Variants in HIPK3 observed in about 807,000 individuals in gnomAD.
HIPK3 encodes homeodomain interacting protein kinase 3.
A neutral mutation model predicts 124.2 loss-of-function variants in HIPK3; 47 were observed. The observed-to-expected ratio is 0.38, with a 90% CI of 0.30 to 0.48. HIPK3 has a LOEUF of 0.48. Ranked by LOEUF, HIPK3 falls within the 20% of genes least tolerant of loss-of-function variation. The pLI is 0.98. For synonymous variants in HIPK3, 482 were observed against 515.2 expected (o/e 0.94, Z 0.87); for missense variants, 1,286 against 1,454.3 (o/e 0.88, Z 1.88).
chr11:33,282,697 C>G (rs766547552), intron 1 of HIPK3, among the ~76,000 whole-genome samples: 5 of 151,638 alleles, frequency 3.3e-5, no homozygotes, highest in Admixed American at 6.6e-5. Flanking sequence ...AAAAAATTAT[C>G]TGTGAATTTA....
chr11:33,314,805 T>C (rs752527203), intron 2 of HIPK3, among the ~76,000 whole-genome samples: 1 of 152,242 alleles, frequency 6.6e-6, no homozygotes, highest in African/African-American at 2.4e-5. Context: ...AGCCTAAATA[T>C]ACCTAATAGA....
At chr11:33,310,064 T>C (rs1852275891) in intron 2 of HIPK3, among the ~76,000 whole-genome samples, 1 of 152,236 alleles carries the variant, frequency 6.6e-6, no homozygotes, top group Admixed American at 6.5e-5. Flanking sequence ...GTGGTGATGC[T>C]TCTACCAATA....
intron 2 of HIPK3, among the ~76,000 whole-genome samples, chr11:33,316,029 G>C (rs112988507): frequency 1.6e-4 from 24 of 152,280 alleles, no homozygotes; most frequent in African/African-American, 5.8e-4. Flanking sequence ...ATTTCAACAT[G>C]TAATCACAAC....
At chr11:33,347,179 C>CAA (rs368444636) in intron 8 of HIPK3, 114 bp from the exon 9 acceptor site, 627 of 868,946 alleles carry the variant, frequency 7.2e-4, no homozygotes, top group Non-Finnish European at 8.7e-4. Flanking sequence ...GGCCCTGTCT[C>CAA]AAAAAAAAAA....
chr11:33,270,468 C>G (rs991988950), intron 1 of HIPK3, among the ~76,000 whole-genome samples: 13 of 151,864 alleles, frequency 8.6e-5, no homozygotes, highest in African/African-American at 3.1e-4. Context: ...GCCACCACGC[C>G]CGGCTAAGAA....
Position 33,329,127 on chromosome 11 carries a change from C to T in HIPK3, c.1221+494C>T, listed in dbSNP as rs117710962. ...TCTTTTAGCACTGTTTAATGATTCT[C>T]GGTAGAATTCAGCAAATTACCTTAT... On this transcript the variant is annotated intron_variant, in intron 3 of 16. Transcript: ENST00000303296. Among the ~76,000 whole-genome samples the T allele has an allele frequency of 1.0e-3, 158 of 152,180 alleles. 1 individual carries two copies. In the East Asian group the frequency reaches 0.028, roughly 27 times the overall value.
At chr11:33,346,072 A>G (rs1007518829) in intron 8 of HIPK3, among the ~76,000 whole-genome samples, 3 of 152,166 alleles carry the variant, frequency 2.0e-5, no homozygotes, top group African/African-American at 7.2e-5. Flanking sequence ...GAAGTGCTGA[A>G]ATGATTTTCA....
rs553737731 is a variant in HIPK3, at chr11:33,306,194, A to G, written c.1097+18683A>G. 4.5e-4 allele frequency among the ~76,000 whole-genome samples: 69 copies of G among 152,320 alleles called. 1 individual carries two copies. The South Asian group carries it at 5.4e-3, about 12-fold the overall frequency. ...ACTCTTTTACTTAATTTTTACGTGT[A>G]TGTTATAGGAATGTATTTGATTTTG... On this transcript the variant is annotated intron_variant, in intron 2 of 16. Transcript: ENST00000303296.
rs758319403 is a variant in HIPK3, at chr11:33,351,723, G to A, written c.2923G>A (p.Glu975Lys). 1.2e-6 allele frequency: 2 copies of A among 1,614,062 alleles called. No homozygotes were observed. The highest frequency in any genetic ancestry group is 2.7e-5 in the African/African-American group (2 of 74,930). Reference protein sequence around the residue: ...AESTFVEDTHENTELVSSADT... With the variant: ...AESTFVEDTHKNTELVSSADT... ...GAGCACTTTTGTGGAGGACACTCAT[G>A]AAAACACAGAATTGGTATCCTCTGC... The change falls in exon 15 of 17, where the codon GAA (glutamate) becomes AAA (lysine). Residue 975 changes from glutamate to lysine, a missense_variant. Glu to Lys is a moderately conservative substitution (Grantham distance 56, BLOSUM62 1). Coordinates refer to ENST00000303296, the MANE Select transcript of HIPK3 (RefSeq NM_005734.5).
intron 1 of HIPK3, among the ~76,000 whole-genome samples, chr11:33,271,430 G>T (rs1259788365): frequency 6.6e-6 from 1 of 152,162 alleles, no homozygotes; most frequent in Non-Finnish European, 1.5e-5. Flanking sequence ...ACCGGGTGTG[G>T]TGGCATGAGC....
intron 8 of HIPK3, among the ~76,000 whole-genome samples, chr11:33,341,936 CTAAAAAT>C (rs1449251469): frequency 6.6e-6 from 1 of 151,606 alleles, no homozygotes; most frequent in Non-Finnish European, 1.5e-5. Flanking sequence ...CTCAGCTTTC[CTAAAAAT>C]ACAAAAAATT....
chr11:33,283,401 C>T (rs766986772), intron 1 of HIPK3, among the ~76,000 whole-genome samples: 5 of 152,046 alleles, frequency 3.3e-5, no homozygotes, highest in African/African-American at 4.8e-5. Context: ...TGACCCACCG[C>T]GCCCAGCGGA....
At chr11:33,323,485 C>T (rs1304319320) in intron 2 of HIPK3, among the ~76,000 whole-genome samples, 1 of 152,122 alleles carries the variant, frequency 6.6e-6, no homozygotes, top group African/African-American at 2.4e-5. Context: ...TCAAGTGATC[C>T]TCCCGGCTTA....
intron 2 of HIPK3, among the ~76,000 whole-genome samples, chr11:33,313,610 G>A (rs1489952338): frequency 6.6e-6 from 1 of 151,982 alleles, no homozygotes; most frequent in Non-Finnish European, 1.5e-5. Context: ...GCTATTTTTT[G>A]CAACTTTTCT....
At chr11:33,314,506 T>A (rs266459) in intron 2 of HIPK3, among the ~76,000 whole-genome samples, 2,040 of 151,928 alleles carry the variant, frequency 0.013, 50 homozygotes, top group African/African-American at 0.046. Context: ...TACAAAAAAA[T>A]TTAGCCAGCC....
intron 3 of HIPK3, among the ~76,000 whole-genome samples, chr11:33,330,486 G>GTAT (rs1486708889): frequency 6.6e-6 from 1 of 152,094 alleles, no homozygotes; most frequent in African/African-American, 2.4e-5. Flanking sequence ...ACACCACCAT[G>GTAT]CCCGGCCAAT....
At chr11:33,328,864 G>T (rs746560129) in intron 3 of HIPK3, among the ~76,000 whole-genome samples, 30 of 152,128 alleles carry the variant, frequency 2.0e-4, no homozygotes, top group Admixed American at 3.3e-4. Context: ...AAATTATTGG[G>T]AAAATTTTAT....
At chr11:33,343,343 C>T (rs1404965665) in intron 8 of HIPK3, among the ~76,000 whole-genome samples, 7 of 151,166 alleles carry the variant, frequency 4.6e-5, no homozygotes, top group Non-Finnish European at 7.4e-5. Context: ...TGTGGTAGCA[C>T]GATCTTGGCT....
intron 1 of HIPK3, among the ~76,000 whole-genome samples, chr11:33,279,591 G>T (rs2133889921): frequency 6.6e-6 from 1 of 152,238 alleles, no homozygotes; most frequent in South Asian, 2.1e-4. Flanking sequence ...TGCTGGTTTG[G>T]TAATTATAAA....
Sources: gnomAD v4.1 joint callset for allele counts (sites outside exome capture counted in the v4.1 genomes callset) on GRCh38, gnomAD v4.1.1 for gene constraint, MANE v1.5 for transcripts, NCBI Gene and HGNC (gene_info 2026-07-23, HGNC 2026-07-21) for gene names.